Variants in AMOTL1 observed in about 807,000 individuals in gnomAD.
AMOTL1 encodes the protein angiomotin-like protein 1.
AMOTL1 carries 45 observed loss-of-function variants against 102.9 expected under a neutral mutation model. The observed-to-expected ratio is 0.44, with a 90% CI of 0.34 to 0.56. The LOEUF is 0.56. Among genes scored for constraint, AMOTL1 ranks in the 20% least tolerant of loss-of-function variants. The pLI is 0.01. For synonymous variants in AMOTL1, 481 were observed against 484.7 expected (o/e 0.99, Z 0.10); for missense variants, 1,114 against 1,225.6 (o/e 0.91, Z 1.36).
At position 94,840,654 on chromosome 11, in the gene AMOTL1, G is replaced by GTATATATATATATA. The variant is rs551220386; in HGVS notation, c.1648+9128_1648+9141dup. Among the ~76,000 whole-genome samples, 219 of 111,224 alleles carry GTATATATATATATA rather than the reference G, an allele frequency of 2.0e-3. 3 individuals carry two copies. The highest frequency in any genetic ancestry group is 7.1e-3 in the African/African-American group (178 of 24,940). 73.0% of individuals were successfully genotyped at this position (111,224 alleles called of 152,430 possible). ...CATTCAGAGGGGCCACTTAAAAAAC[G>GTATATATATATATA]TATATATATATATATATATATATAT... On this transcript the variant is annotated intron_variant, in intron 6 of 12. Transcript: ENST00000433060.
At position 94,799,301 on chromosome 11, in the gene AMOTL1, G is replaced by T; in HGVS notation, c.200-89G>T. ...AATCTTATTTTTAAATGTTGCTGTA[G>T]TTAGAATGTTAATTATGTACCACAT... On this transcript the variant is annotated intron_variant, in intron 2 of 12. Transcript: ENST00000433060. The surrounding 1 kb of genome is among the most constrained non-coding windows in gnomAD (Gnocchi z 4.5). 9.3e-7 allele frequency: 1 copy of T among 1,073,412 alleles called. No homozygotes were observed. Among genetic ancestry groups the T allele is most frequent in the East Asian group, 2.6e-5 (1 of 38,356 alleles). The allele number at this position is 1,073,412 out of a possible 1,614,324, so 66.5% of individuals were successfully genotyped here. A position where few individuals can be genotyped will look rare whatever the true frequency, so the allele number is the denominator to read the frequency against.
chr11:94,815,003 A>C (rs1287697106), intron 3 of AMOTL1, among the ~76,000 whole-genome samples: 1 of 152,210 alleles, frequency 6.6e-6, no homozygotes, highest in Admixed American at 6.5e-5. Flanking sequence ...TTTATTGAAC[A>C]CTTTTTACAA....
At chr11:94,711,173 T>C (rs770528984) in intron 1 of AMOTL1, among the ~76,000 whole-genome samples, 9 of 152,154 alleles carry the variant, frequency 5.9e-5, no homozygotes, top group Non-Finnish European at 1.2e-4. Context: ...AATTTTAATA[T>C]ATGAATTGAT....
At chr11:94,870,649 C>T in intron 12 of AMOTL1, 40 bp from the exon 13 acceptor site, 1 of 1,522,602 alleles carries the variant, frequency 6.6e-7, no homozygotes, top group Non-Finnish European at 8.9e-7. Context: ...TATGCCCCTC[C>T]TGAGGAATGG....
chr11:94,788,558 C>T (rs372321966), intron 1 of AMOTL1, among the ~76,000 whole-genome samples: 3 of 152,166 alleles, frequency 2.0e-5, no homozygotes, highest in Non-Finnish European at 4.4e-5. Flanking sequence ...ATGTCCCTTC[C>T]GTCAGTCAAC....
chr11:94,827,059 T>C (rs1458432548), intron 4 of AMOTL1, among the ~76,000 whole-genome samples: 1 of 152,196 alleles, frequency 6.6e-6, no homozygotes, highest in Non-Finnish European at 1.5e-5. Flanking sequence ...CAAGTCTGTC[T>C]TTAGAAGTTA....
intron 1 of AMOTL1, among the ~76,000 whole-genome samples, chr11:94,720,034 T>C (rs1950152809): frequency 6.6e-6 from 1 of 152,136 alleles, no homozygotes; most frequent in South Asian, 2.1e-4. Context: ...CTGTAGATGA[T>C]GTGAGACTTA....
intron 3 of AMOTL1, among the ~76,000 whole-genome samples, chr11:94,743,095 T>TA (rs1428983990): frequency 1.3e-5 from 2 of 152,156 alleles, no homozygotes; most frequent in Non-Finnish European, 2.9e-5. Flanking sequence ...TGCAGGGTGA[T>TA]AGAGAAAATA....
At chr11:94,865,855 A>G (rs1952871758) in intron 10 of AMOTL1, 87 bp from the exon 11 acceptor site, 1 of 1,157,928 alleles carries the variant, frequency 8.6e-7, no homozygotes. Context: ...AATTACAATT[A>G]AAGTCTTTGG....
rs772665539 is a variant in AMOTL1, at chr11:94,799,695, A to G, written c.505A>G (p.Asn169Asp). Reference sequence around the variant, plus strand: ...GCAGGGTCAAGAACACCAGGTGGACAATACGGTGATGGAGAAACAGGTCCG... The same window carrying G: ...GCAGGGTCAAGAACACCAGGTGGACGATACGGTGATGGAGAAACAGGTCCG... The part of the protein sequence containing the change: ...EPQGQEHQVD[N>D]TVMEKQVRST... The change falls in exon 3 of 13, where the codon AAT (asparagine) becomes GAT (aspartate). Residue 169 changes from asparagine to aspartate, a missense_variant. Transcript: ENST00000433060. The surrounding 1 kb of genome is among the most constrained non-coding windows in gnomAD (Gnocchi z 4.5). The G allele has an allele frequency of 3.1e-6, 5 of 1,614,020 alleles. No homozygotes were observed. The Admixed American group carries it at 6.7e-5, about 22-fold the overall frequency.
In AMOTL1 at chr11:94,874,469, C is replaced by T. The variant is rs1368112441; in HGVS notation, c.*3674C>T. On this transcript the variant is annotated 3_prime_UTR_variant, in exon 13 of 13. Transcript: ENST00000433060. ...CTGGGTGCAGTCCTCTGGGGTTGCT[C>T]TTTGGAACTCATGTATGAGTTTGAC... is the stretch of plus-strand genomic sequence containing the variant. 1 of 152,232 alleles carries T rather than the reference C, an allele frequency of 6.6e-6. No homozygotes were observed. The highest frequency in any genetic ancestry group is 1.9e-4 in the East Asian group (1 of 5,192). The allele number at this position is 152,232 out of a possible 1,614,324, so 9.4% of individuals were successfully genotyped here.
intron 1 of AMOTL1, among the ~76,000 whole-genome samples, chr11:94,775,620 G>A (rs1951016720): frequency 6.6e-6 from 1 of 152,020 alleles, no homozygotes; most frequent in South Asian, 2.1e-4. Context: ...TAAACGAAAT[G>A]AAAAATTCAG....
intron 2 of AMOTL1, among the ~76,000 whole-genome samples, chr11:94,731,093 G>A (rs1301502417): frequency 6.6e-6 from 1 of 152,156 alleles, no homozygotes; most frequent in Admixed American, 6.5e-5. Context: ...GGGCAAGGCT[G>A]GAACATAGGA....
intron 6 of AMOTL1, among the ~76,000 whole-genome samples, chr11:94,839,198 C>T (rs1952245292): frequency 6.6e-6 from 1 of 152,220 alleles, no homozygotes; most frequent in South Asian, 2.1e-4. Flanking sequence ...TGCAGGTTTG[C>T]TCCCCAGTTT....
intron 3 of AMOTL1, among the ~76,000 whole-genome samples, chr11:94,819,819 G>A (rs548737179): frequency 4.9e-4 from 74 of 152,206 alleles, no homozygotes; most frequent in African/African-American, 1.6e-3. Context: ...GATACTTTTT[G>A]GTTCATACCC....
rs559609156 is a variant in AMOTL1, at chr11:94,734,149, C to CAATGGA, written c.85+5095_85+5096insATGGAA. Reference sequence around the variant, plus strand: ...CCAAAATGAACCATTGGCTTCCTGTCAGAGTTAATTTCATTTCATCTCTTG... The same window carrying CAATGGA: ...CCAAAATGAACCATTGGCTTCCTGTCAATGGAAGAGTTAATTTCATTTCATCTCTTG... On this transcript the variant is annotated intron_variant, in intron 2 of 4. Transcript: ENST00000299004. Among the ~76,000 whole-genome samples, 106 of 152,344 alleles carry CAATGGA rather than the reference C, an allele frequency of 7.0e-4. 3 individuals are homozygous for CAATGGA. The South Asian group carries it at 0.02, about 29-fold the overall frequency.
chr11:94,756,130 G>A (rs908837841), intron 3 of AMOTL1, among the ~76,000 whole-genome samples: 2 of 152,174 alleles, frequency 1.3e-5, no homozygotes, highest in Non-Finnish European at 2.9e-5. Flanking sequence ...ATGGCCTGCA[G>A]TGTTGGATGG....
chr11:94,868,965 A>T (rs927282515), intron 11 of AMOTL1, among the ~76,000 whole-genome samples: 3 of 151,682 alleles, frequency 2.0e-5, no homozygotes, highest in African/African-American at 7.3e-5. Context: ...AACAAAAAAA[A>T]CACACAAAAA....
intron 7 of AMOTL1, among the ~76,000 whole-genome samples, chr11:94,851,310 T>C (rs1352622849): frequency 6.6e-6 from 1 of 152,204 alleles, no homozygotes; most frequent in Non-Finnish European, 1.5e-5. Flanking sequence ...AGGAAAATCA[T>C]GGTTTTTAAA....
Sources: gnomAD v4.1 joint callset for allele counts (sites outside exome capture counted in the v4.1 genomes callset) on GRCh38, gnomAD v4.1.1 for gene constraint, Gnocchi (gnomAD v3.1) non-coding constraint, MANE v1.5 for transcripts, NCBI Gene and HGNC (gene_info 2026-07-23, HGNC 2026-07-21) for gene names.